CCNJL: variants seen among roughly 807,000 people sequenced by gnomAD.
The protein encoded by CCNJL is cyclin J like.
A neutral mutation model predicts 33.4 loss-of-function variants in CCNJL; 33 were observed. The ratio of observed to expected loss-of-function variants is 0.99; its 90% CI spans 0.75 to 1.32. The LOEUF (loss-of-function observed/expected upper bound fraction) is 1.32, where lower values mean the gene tolerates loss of function less well. Ranked by LOEUF, CCNJL falls within the 40% of genes most tolerant of loss-of-function variation. CCNJL has a pLI of 0.00. For synonymous variants in CCNJL, 227 were observed against 220.9 expected (o/e 1.03, Z -0.24); for missense variants, 512 against 499.7 (o/e 1.02, Z -0.23).
chr5:160,322,191 G>A (rs1474870150), intron 1 of CCNJL, among the ~76,000 whole-genome samples: 2 of 152,218 alleles, frequency 1.3e-5, no homozygotes, highest in East Asian at 1.9e-4. Flanking sequence ...AACACCTAAA[G>A]GGTGAAGTTC....
intron 2 of CCNJL, among the ~76,000 whole-genome samples, chr5:160,287,858 T>G (rs1580989062): frequency 6.8e-6 from 1 of 146,054 alleles, no homozygotes; most frequent in African/African-American, 2.6e-5. Context: ...GCGGTGAGAG[T>G]GTGGGCAGCA....
At chr5:160,289,717 G>A (rs994190499) in intron 2 of CCNJL, among the ~76,000 whole-genome samples, 24 of 152,268 alleles carry the variant, frequency 1.6e-4, no homozygotes, top group Middle Eastern at 3.4e-3. Context: ...TAAGCTACAC[G>A]GAGAGACAGA....
Position 160,255,616 on chromosome 5 carries a change from T to C in CCNJL, c.676A>G (p.Arg226Gly). Residue 226 changes from arginine to glycine, a missense_variant, in exon 5 of 6, where the codon AGA becomes GGA. By Grantham distance (125) the Arg-to-Gly change is moderately radical (BLOSUM62 -2). Transcript: ENST00000257536. ...TAGCTTGAGATCCTCTGCAGGTCTC[T>C]GGTCCAGTAGGGAGAAAGCTGCAGG... ...ICLQLSPYWT[R>G]DLQRISSYSL... 1 of 1,614,140 alleles carries C rather than the reference T, an allele frequency of 6.2e-7. No individual in the cohort carries two copies. The highest frequency in any genetic ancestry group is 1.1e-5 in the South Asian group (1 of 91,084).
chr5:160,294,341 G>A (rs1012684880), intron 2 of CCNJL, among the ~76,000 whole-genome samples: 1 of 152,192 alleles, frequency 6.6e-6, no homozygotes, highest in African/African-American at 2.4e-5. Flanking sequence ...AACAATGCCC[G>A]TAACGTCCCC....
At chr5:160,290,422 C>T (rs1192883190) in intron 2 of CCNJL, among the ~76,000 whole-genome samples, 1 of 152,012 alleles carries the variant, frequency 6.6e-6, no homozygotes, top group African/African-American at 2.4e-5. Flanking sequence ...CCCACCACCA[C>T]ACCCGTCTAA....
chr5:160,283,703 T>C (rs1762318167), intron 2 of CCNJL, among the ~76,000 whole-genome samples: 1 of 152,202 alleles, frequency 6.6e-6, no homozygotes, highest in South Asian at 2.1e-4. Context: ...TGCAATACAA[T>C]AGTATGTCTT....
chr5:160,312,735 T>G (rs1763317574), upstream of CCNJL: 1 of 152,018 alleles, frequency 6.6e-6, no homozygotes, highest in Non-Finnish European at 1.5e-5. Flanking sequence ...GCGGAAAGCT[T>G]CTCTCTCACC....
intron 2 of CCNJL, among the ~76,000 whole-genome samples, chr5:160,305,535 G>A (rs538369072): frequency 3.9e-5 from 6 of 152,314 alleles, no homozygotes; most frequent in Admixed American, 2.0e-4. Flanking sequence ...ATAGCGGCTG[G>A]CTTCTCAGGA....
chr5:160,299,148 T>TA (rs200963649), intron 2 of CCNJL, among the ~76,000 whole-genome samples: 8 of 147,032 alleles, frequency 5.4e-5, no homozygotes, highest in Non-Finnish European at 1.0e-4. Context: ...CTAGCTAATT[T>TA]AAAAAAAAAT....
At chr5:160,260,853 C>T (rs544696959) in intron 3 of CCNJL, among the ~76,000 whole-genome samples, 1 of 152,180 alleles carries the variant, frequency 6.6e-6, no homozygotes, top group East Asian at 1.9e-4. Context: ...CCCTGCCTCT[C>T]AGAAGACGCC....
chr5:160,274,576 G>C (rs1761947053), intron 3 of CCNJL, among the ~76,000 whole-genome samples: 1 of 152,194 alleles, frequency 6.6e-6, no homozygotes, highest in East Asian at 1.9e-4. Context: ...AGCCAGAGAC[G>C]GGGGCTTTCC....
intron 1 of CCNJL, among the ~76,000 whole-genome samples, chr5:160,339,014 C>T (rs933991093): frequency 5.3e-5 from 8 of 152,084 alleles, no homozygotes; most frequent in Admixed American, 4.6e-4. Flanking sequence ...GTCTCGAACT[C>T]CTGACCTTGT....
intron 1 of CCNJL, among the ~76,000 whole-genome samples, chr5:160,324,685 T>A (rs1219157988): frequency 6.6e-6 from 1 of 151,902 alleles, no homozygotes; most frequent in Non-Finnish European, 1.5e-5. Flanking sequence ...TCAAATTGAT[T>A]ATGAAATTGA....
intron 2 of CCNJL, among the ~76,000 whole-genome samples, chr5:160,292,128 G>A (rs1302520644): frequency 6.6e-6 from 1 of 152,104 alleles, no homozygotes; most frequent in Non-Finnish European, 1.5e-5. Flanking sequence ...GTTGCTACTT[G>A]GTAGACCGAG....
chr5:160,327,681 C>A (rs1763554164), intron 1 of CCNJL, among the ~76,000 whole-genome samples: 1 of 152,192 alleles, frequency 6.6e-6, no homozygotes, highest in Non-Finnish European at 1.5e-5. Context: ...TTCTGTATGA[C>A]CCTTGTCAGA....
At chr5:160,277,838 T>C (rs139783925) in intron 3 of CCNJL, among the ~76,000 whole-genome samples, 8,965 of 146,622 alleles carry the variant, frequency 0.061, 861 homozygotes, top group African/African-American at 0.22. Flanking sequence ...CTCCCTGTCC[T>C]GGGTTCAAGC....
At chr5:160,280,319 C>T (rs1056241921) in intron 3 of CCNJL, among the ~76,000 whole-genome samples, 4 of 152,204 alleles carry the variant, frequency 2.6e-5, no homozygotes, top group African/African-American at 4.8e-5. Context: ...AGACAAGCTG[C>T]TAACATCCTT....
At chr5:160,282,984 T>TATAC (rs1762276408) in intron 2 of CCNJL, among the ~76,000 whole-genome samples, 1 of 58,108 alleles carries the variant, frequency 1.7e-5, no homozygotes, top group Non-Finnish European at 3.2e-5. Flanking sequence ...TATATATATA[T>TATAC]ATATATATAT....
At chr5:160,300,192 C>A (rs1405702917) in intron 2 of CCNJL, among the ~76,000 whole-genome samples, 1 of 152,152 alleles carries the variant, frequency 6.6e-6, no homozygotes, top group Non-Finnish European at 1.5e-5. Flanking sequence ...ACCTACAAGG[C>A]ACTGAGTGCC....
Sources: allele counts gnomAD v4.1 joint callset (sites outside exome capture counted in the v4.1 genomes callset), GRCh38; gene constraint gnomAD v4.1.1; transcripts MANE v1.5; gene names NCBI Gene and HGNC (gene_info 2026-07-23, HGNC 2026-07-21).